The following FER variants were observed in gnomAD, a reference collection of about 807,000 sequenced individuals.
FER encodes tyrosine-protein kinase Fer.
In FER, 63 loss-of-function variants were observed where a neutral mutation model predicts 111.0. The ratio of observed to expected loss-of-function variants is 0.57; its 90% confidence interval spans 0.46 to 0.70. The LOEUF is 0.70. Among genes scored for constraint, FER ranks in the 30% least tolerant of loss-of-function variants. The pLI, the probability that FER is intolerant of heterozygous loss-of-function variation, is 0.00. For synonymous variants in FER, 327 were observed against 313.9 expected (o/e 1.04, Z -0.44); for missense variants, 914 against 954.0 (o/e 0.96, Z 0.55).
intron 18 of FER, 87 bp downstream of exon 18, chr5:109,180,988 A>G (rs898231140): frequency 9.1e-7 from 1 of 1,100,722 alleles, no homozygotes; most frequent in Non-Finnish European, 1.3e-6. Flanking sequence ...CAGGGGTAGC[A>G]CAGAATGCAA....
rs78419142 is a variant in FER, at chr5:108,810,085, A to G, written c.207+11696A>G. On this transcript the variant is annotated intron_variant, in intron 3 of 19. Transcript: ENST00000281092. Reference sequence around the variant, plus strand: ...TTTCTTTTTTCTTTCTTTTCTTGTGATATTATTGTTATTTTTTAATTTCTC... The same window carrying G: ...TTTCTTTTTTCTTTCTTTTCTTGTGGTATTATTGTTATTTTTTAATTTCTC... 5.1e-3 allele frequency among the ~76,000 whole-genome samples: 774 copies of G among 151,290 alleles called. 10 individuals carry two copies. Among genetic ancestry groups the G allele is most frequent in the African/African-American group, 0.018 (736 of 41,188 alleles).
intron 16 of FER, among the ~76,000 whole-genome samples, chr5:109,078,016 A>G (rs1776561439): frequency 6.6e-6 from 1 of 152,200 alleles, no homozygotes; most frequent in Admixed American, 6.5e-5. Flanking sequence ...AAATAAACTA[A>G]TATCAAGTAG....
chr5:108,996,539 T>C (rs1764001193), intron 13 of FER, among the ~76,000 whole-genome samples: 1 of 152,248 alleles, frequency 6.6e-6, no homozygotes, highest in Non-Finnish European at 1.5e-5. Context: ...ATTTCTTGTT[T>C]TTGTCAGGTT....
intron 5 of FER, among the ~76,000 whole-genome samples, chr5:108,836,721 A>C (rs1760700585): frequency 6.6e-6 from 1 of 152,126 alleles, no homozygotes; most frequent in Admixed American, 6.5e-5. Context: ...CAATGAAAAT[A>C]TTGTTGTTAT....
chr5:108,842,749 A>G (rs1761397406), intron 5 of FER: 1 of 152,180 alleles, frequency 6.6e-6, no homozygotes, highest in Admixed American at 6.5e-5. Flanking sequence ...AAAACAAAAC[A>G]GTAGATGTTG....
intron 10 of FER, among the ~76,000 whole-genome samples, chr5:108,898,843 T>G (rs898469157): frequency 6.6e-6 from 1 of 151,480 alleles, no homozygotes. Context: ...TAGAGATTGG[T>G]GATGCTGGTA....
intron 17 of FER, among the ~76,000 whole-genome samples, chr5:109,125,044 T>TAAAAA (rs1751529994): frequency 1.2e-5 from 1 of 85,320 alleles, no homozygotes; most frequent in African/African-American, 5.3e-5. Flanking sequence ...AGACTCTGTC[T>TAAAAA]CAAAAAAAAA....
chr5:108,960,144 T>C (rs973458198), intron 13 of FER, among the ~76,000 whole-genome samples: 2 of 152,168 alleles, frequency 1.3e-5, no homozygotes, highest in Admixed American at 6.5e-5. Flanking sequence ...TTTGTTGATA[T>C]GACTTTTATA....
chr5:108,829,510 A>G (rs1042665090), intron 3 of FER, among the ~76,000 whole-genome samples: 5 of 152,114 alleles, frequency 3.3e-5, no homozygotes, highest in Non-Finnish European at 5.9e-5. Context: ...ATAGTGGTGC[A>G]TGCCTGTAGT....
chr5:108,807,639 G>T (rs1247142508), intron 3 of FER, among the ~76,000 whole-genome samples: 1 of 151,920 alleles, frequency 6.6e-6, no homozygotes, highest in Non-Finnish European at 1.5e-5. Flanking sequence ...CTTTGGTTTT[G>T]GTTACTTCTT....
At chr5:109,171,378 T>A (rs1167767155) in intron 17 of FER, among the ~76,000 whole-genome samples, 1 of 152,180 alleles carries the variant, frequency 6.6e-6, no homozygotes. Flanking sequence ...CTTCCAACAA[T>A]GCAAATGTTT....
intron 5 of FER, chr5:108,842,977 G>GC (rs1761428272): frequency 6.6e-6 from 1 of 152,218 alleles, no homozygotes; most frequent in South Asian, 2.1e-4. Context: ...ATTCACAATT[G>GC]CAAAATCGTG....
chr5:108,873,804 G>A (rs1053749172), intron 8 of FER, among the ~76,000 whole-genome samples: 8 of 152,250 alleles, frequency 5.3e-5, no homozygotes, highest in Non-Finnish European at 8.8e-5. Flanking sequence ...GCTGCTAAAC[G>A]TCCTACAGTG....
chr5:109,031,423 A>C (rs1561800545), intron 13 of FER, among the ~76,000 whole-genome samples: 2 of 152,116 alleles, frequency 1.3e-5, no homozygotes, highest in Non-Finnish European at 2.9e-5. Context: ...ATAGTATTTT[A>C]ATTGTTTGTT....
intron 4 of FER, 77 bp downstream of exon 4, chr5:108,833,020 TA>T (rs1760210818): frequency 1.5e-6 from 2 of 1,305,802 alleles, no homozygotes; most frequent in Admixed American, 2.4e-5. Context: ...TATTTGGCTT[TA>T]AAAATTGTTT....
intron 16 of FER, among the ~76,000 whole-genome samples, chr5:109,090,300 C>G (rs1247362220): frequency 6.6e-6 from 1 of 152,090 alleles, no homozygotes; most frequent in Non-Finnish European, 1.5e-5. Context: ...TCACATCCCC[C>G]CAAAAAGAGT....
chr5:109,088,401 T>C (rs1777796289), intron 16 of FER, among the ~76,000 whole-genome samples: 1 of 152,126 alleles, frequency 6.6e-6, no homozygotes, highest in African/African-American at 2.4e-5. Context: ...GATGGAATGT[T>C]ATTTCTGATA....
intron 13 of FER, chr5:109,014,779 C>T (rs1766818161): frequency 6.6e-6 from 1 of 152,128 alleles, no homozygotes; most frequent in African/African-American, 2.4e-5. Context: ...TTGTAGTTCT[C>T]CTTGAAGAGG....
rs78239351 is a variant in FER, at chr5:108,907,132, C to T, written c.1236+9284C>T. Among the ~76,000 whole-genome samples, 688 of 152,248 alleles carry T rather than the reference C, an allele frequency of 4.5e-3. 7 individuals carry two copies. The highest frequency in any genetic ancestry group is 0.016 in the African/African-American group (657 of 41,558). On this transcript the variant is annotated intron_variant, in intron 10 of 19. Transcript: ENST00000281092. Reference sequence around the variant, plus strand: ...TATGAATGAATGTAAAAACAATATACAGCTCCAGATACAATTAGGAAGGTG... The same window carrying T: ...TATGAATGAATGTAAAAACAATATATAGCTCCAGATACAATTAGGAAGGTG...
Sources: allele counts gnomAD v4.1 joint callset (sites outside exome capture counted in the v4.1 genomes callset), GRCh38; gene constraint gnomAD v4.1.1; transcripts MANE v1.5; gene names NCBI Gene and HGNC (gene_info 2026-07-23, HGNC 2026-07-21).